The following SPEN variants were observed in gnomAD, a reference collection of about 807,000 sequenced individuals.
The protein encoded by SPEN is spen family transcriptional repressor, also known as msx2-interacting protein.
A neutral mutation model predicts 269.9 loss-of-function variants in SPEN; 18 were observed. The ratio of observed to expected loss-of-function variants is 0.07; its 90% CI spans 0.05 to 0.10. The LOEUF is 0.10. Ranked by LOEUF, SPEN falls within the 10% of genes least tolerant of loss-of-function variation. The pLI is 1.00. For synonymous variants in SPEN, 1,726 were observed against 1,765.7 expected (o/e 0.98, Z 0.56); for missense variants, 3,822 against 4,631.2 (o/e 0.83, Z 5.07).
intron 13 of SPEN, chr1:15,938,435 T>A: frequency 3.0e-6 from 1 of 334,222 alleles, no homozygotes; most frequent in Non-Finnish European, 5.4e-6. Flanking sequence ...ATTCTTGAAG[T>A]GAGCAATGAA....
intron 3 of SPEN, among the ~76,000 whole-genome samples, chr1:15,894,266 C>G (rs992752276): frequency 1.3e-5 from 2 of 152,196 alleles, no homozygotes; most frequent in South Asian, 2.1e-4. Context: ...TTTTTTGTCT[C>G]TTAAATAAAG....
At chr1:15,849,054 T>C (rs2070306502) in intron 1 of SPEN, among the ~76,000 whole-genome samples, 1 of 152,154 alleles carries the variant, frequency 6.6e-6, no homozygotes, top group South Asian at 2.1e-4. Context: ...TGATACATCT[T>C]ATTGAGTAGC....
intron 3 of SPEN, among the ~76,000 whole-genome samples, chr1:15,897,439 C>T (rs558809652): frequency 4.6e-5 from 7 of 151,902 alleles, no homozygotes; most frequent in South Asian, 2.1e-4. Context: ...CTCGGCTAAC[C>T]GCAACCTCCG....
intron 5 of SPEN, among the ~76,000 whole-genome samples, chr1:15,915,329 G>A (rs1315916491): frequency 1.3e-5 from 2 of 151,920 alleles, no homozygotes; most frequent in East Asian, 3.9e-4. Flanking sequence ...CAGGCTGGGG[G>A]GGTGGAAAAA....
At chr1:15,936,994 C>G (rs1434848801) in intron 11 of SPEN, among the ~76,000 whole-genome samples, 169 bp from the exon 12 acceptor site, 2 of 152,126 alleles carry the variant, frequency 1.3e-5, no homozygotes, top group African/African-American at 4.8e-5. Context: ...CTCTCCTTAC[C>G]TGGAACCCCG....
intron 3 of SPEN, among the ~76,000 whole-genome samples, chr1:15,892,825 A>C (rs1192454197): frequency 6.6e-6 from 1 of 152,174 alleles, no homozygotes; most frequent in East Asian, 1.9e-4. Flanking sequence ...TGGGCGGGGC[A>C]CGGTGGCTCA....
chr1:15,910,492 T>G (rs1003831051), intron 4 of SPEN, among the ~76,000 whole-genome samples: 3 of 152,140 alleles, frequency 2.0e-5, no homozygotes, highest in African/African-American at 7.2e-5. Context: ...TGTAAAAGTT[T>G]TATTATGAAA....
chr1:15,879,004 CAAAAAAAAA>C (rs3048559), intron 3 of SPEN, among the ~76,000 whole-genome samples: 1 of 76,564 alleles, frequency 1.3e-5, no homozygotes, highest in Non-Finnish European at 2.5e-5. Flanking sequence ...GACTCTGTCT[CAAAAAAAAA>C]AAAAAAAAAA....
chr1:15,936,288 C>T, intron 11 of SPEN, 22 bp downstream of exon 11: 1 of 1,522,010 alleles, frequency 6.6e-7, no homozygotes. Flanking sequence ...AGGTATCTCC[C>T]CACTGTCTGT....
intron 1 of SPEN, among the ~76,000 whole-genome samples, chr1:15,853,407 G>A (rs956975960): frequency 1.3e-5 from 2 of 151,412 alleles, no homozygotes; most frequent in African/African-American, 2.4e-5. Flanking sequence ...GGCTGGTCTT[G>A]AACTCCTGAC....
At chr1:15,922,058 G>A (rs1293422672) in intron 9 of SPEN, among the ~76,000 whole-genome samples, 191 bp from the exon 10 acceptor site, 4 of 152,010 alleles carry the variant, frequency 2.6e-5, no homozygotes, top group Non-Finnish European at 4.4e-5. Context: ...CTTTTATCAC[G>A]GTTTATACAG....
chr1:15,860,201 G>A lies in SPEN; in HGVS notation c.83+12051G>A, dbSNP rs181758747. Among the ~76,000 whole-genome samples the A allele has an allele frequency of 3.2e-3, 485 of 151,562 alleles. 3 individuals carry two copies. Among genetic ancestry groups the A allele is most frequent in the African/African-American group, 0.011 (465 of 41,332 alleles). On this transcript the variant is annotated intron_variant, in intron 1 of 14. Coordinates refer to ENST00000375759, the MANE Select transcript of SPEN (RefSeq NM_015001.3). The stretch of plus-strand genomic sequence containing the variant: ...GCTGGGATTACAGGCGTGAGCCACC[G>A]TGCCTGGCGTAGTTAACATCTTAAG...
In SPEN at chr1:15,848,089, C is replaced by G; in HGVS notation, c.22C>G (p.Leu8Val). MVRETRHLWVGNLPENVR... is the reference protein window; with the variant it reads MVRETRHVWVGNLPENVR... Reference sequence around the variant, plus strand: ...CAGCATGGTCCGGGAAACCAGGCATCTCTGGGTGGGCAACTTACCCGAGAA... The same window carrying G: ...CAGCATGGTCCGGGAAACCAGGCATGTCTGGGTGGGCAACTTACCCGAGAA... The change falls in exon 1 of 15, where the codon CTC (leucine) becomes GTC (valine). Residue 8 changes from leucine (L) to valine (V), a missense_variant. By Grantham distance (32) the Leu-to-Val change is conservative. Coordinates refer to ENST00000375759, the MANE Select transcript of SPEN (RefSeq NM_015001.3). This position sits in a 1 kb window ranked among gnomAD's most constrained non-coding sequence, Gnocchi z 5.1. 1 of 1,480,524 alleles carries G rather than the reference C, an allele frequency of 6.8e-7. No individual in the cohort carries two copies. Among genetic ancestry groups the G allele is most frequent in the Non-Finnish European group, 9.0e-7 (1 of 1,105,734 alleles). 91.7% of individuals were successfully genotyped at this position (1,480,524 alleles called of 1,614,324 possible).
At chr1:15,908,387 T>C (rs917264607) in intron 3 of SPEN, among the ~76,000 whole-genome samples, 3 of 151,830 alleles carry the variant, frequency 2.0e-5, no homozygotes. Context: ...TGGATACCTG[T>C]CATATTCCAA....
intron 1 of SPEN, among the ~76,000 whole-genome samples, chr1:15,849,024 A>G (rs982053755): frequency 6.6e-6 from 1 of 152,078 alleles, no homozygotes; most frequent in African/African-American, 2.4e-5. Context: ...TTTGTGAATT[A>G]TAAGAATAAA....
At chr1:15,873,375 T>A in intron 2 of SPEN, 1 of 1,214,900 alleles carries the variant, frequency 8.2e-7, no homozygotes, top group Non-Finnish European at 1.0e-6. Context: ...GAAGATTTCC[T>A]ATGGAAGCTT....
intron 7 of SPEN, 66 bp from the exon 8 acceptor site, chr1:15,919,338 G>A: frequency 9.5e-7 from 1 of 1,054,238 alleles, no homozygotes; most frequent in Non-Finnish European, 1.4e-6. Context: ...AGTTTTCTGA[G>A]AATTCTGTTG....
intron 2 of SPEN, 107 bp from the exon 3 acceptor site, chr1:15,876,095 G>T (rs1557739827): frequency 1.2e-6 from 1 of 812,786 alleles, no homozygotes; most frequent in South Asian, 1.7e-5. Flanking sequence ...TTTAGAAAAT[G>T]ACCAGTTGCA....
chr1:15,889,246 A>T (rs1290956570), intron 3 of SPEN, among the ~76,000 whole-genome samples: 1 of 146,768 alleles, frequency 6.8e-6, no homozygotes, highest in Non-Finnish European at 1.5e-5. Flanking sequence ...CCTTGCTGCA[A>T]CCTCCGCCTC....
Sources: gnomAD v4.1 joint callset for allele counts (sites outside exome capture counted in the v4.1 genomes callset) on GRCh38, gnomAD v4.1.1 for gene constraint, Gnocchi (gnomAD v3.1) non-coding constraint, MANE v1.5 for transcripts, NCBI Gene and HGNC (gene_info 2026-07-23, HGNC 2026-07-21) for gene names.